The following COBL variants were observed in gnomAD, a reference collection of about 807,000 sequenced individuals.
COBL encodes protein cordon-bleu.
A neutral mutation model predicts 98.8 loss-of-function variants in COBL; 51 were observed. The observed-to-expected ratio is 0.52, with a 90% confidence interval of 0.41 to 0.65. The LOEUF is 0.65. Ranked by LOEUF, COBL falls within the 30% of genes least tolerant of loss-of-function variation. The pLI, the probability that COBL is intolerant of heterozygous loss-of-function variation, is 0.00. For missense variants in COBL, 1,617 were observed against 1,617.5 expected, an observed-to-expected ratio of 1.00 and a Z score of 0.01; for synonymous variants, 634 against 651.7, an observed-to-expected ratio of 0.97 and a Z score of 0.41.
intron 5 of COBL, among the ~76,000 whole-genome samples, chr7:51,148,923 C>G (rs1319831634): frequency 6.6e-6 from 1 of 152,024 alleles, no homozygotes; most frequent in East Asian, 1.9e-4. Flanking sequence ...TATAACTTCA[C>G]CCCACCACAA....
chr7:51,275,094 G>A (rs1326360733), intron 1 of COBL, among the ~76,000 whole-genome samples: 6 of 152,170 alleles, frequency 3.9e-5, no homozygotes, highest in Non-Finnish European at 7.4e-5. Flanking sequence ...TGAAGAGGAC[G>A]GGAGAGGCTC....
chr7:51,231,980 G>A (rs1429817766), intron 1 of COBL, among the ~76,000 whole-genome samples: 1 of 152,190 alleles, frequency 6.6e-6, no homozygotes, highest in Non-Finnish European at 1.5e-5. Context: ...TCGGACCTGA[G>A]TGCAGTAGAG....
chr7:51,294,327 AATAAAAAT>A (rs1438592932), intron 1 of COBL, among the ~76,000 whole-genome samples: 2 of 148,950 alleles, frequency 1.3e-5, no homozygotes, highest in Admixed American at 6.7e-5. Flanking sequence ...TAAATAAATA[AATAAAAAT>A]AAATAAATAA....
intron 5 of COBL, among the ~76,000 whole-genome samples, chr7:51,155,935 C>A (rs1786085698): frequency 6.6e-6 from 1 of 152,076 alleles, no homozygotes; most frequent in Non-Finnish European, 1.5e-5. Context: ...TGCAACCAAG[C>A]AAAACACAGA....
At position 51,273,327 on chromosome 7, in the gene COBL, C is replaced by CAAAAAA. The variant is rs953811880; in HGVS notation, c.41+43260_41+43265dup. On this transcript the variant is annotated intron_variant, in intron 1 of 12. Transcript: ENST00000265136. ...TGGGCAACAGAATAAGACTCCATCT[C>CAAAAAA]AAAAAAAAAAAAAAAAAAAGAAAAA... is the stretch of plus-strand genomic sequence containing the variant. Among the ~76,000 whole-genome samples the CAAAAAA allele has an allele frequency of 9.4e-4, 55 of 58,442 alleles. 1 individual carries two copies. Among genetic ancestry groups the CAAAAAA allele is most frequent in the Non-Finnish European group, 1.7e-3 (42 of 24,704 alleles). 38.3% of individuals were successfully genotyped at this position (58,442 alleles called of 152,430 possible).
Position 51,026,566 on chromosome 7 carries a change from C to A in COBL, c.3484G>T (p.Gly1162Cys). 2 of 1,614,096 alleles carry A rather than the reference C, an allele frequency of 1.2e-6. No homozygotes were observed. Among genetic ancestry groups the A allele is most frequent in the Non-Finnish European group, 1.7e-6 (2 of 1,180,028 alleles). ...CTTACCTTCCTCAGGCTGCAGGTGC[C>A]GCTGTGCCCGCGGATAGCTGCCAGC... ...ALLAAIRGHS[G>C]TCSLRKVASS... Residue 1162 changes from glycine (G) to cysteine (C), a missense_variant, in exon 11 of 13, where the codon GGC becomes TGC. Coordinates refer to ENST00000265136, the MANE Select transcript of COBL (RefSeq NM_015198.5).
chr7:51,314,964 T>C lies in COBL; in HGVS notation c.41+1629A>G, dbSNP rs543188078. Among the ~76,000 whole-genome samples the C allele has an allele frequency of 2.8e-3, 430 of 152,324 alleles. 1 individual carries two copies. Among genetic ancestry groups the C allele is most frequent in the Non-Finnish European group, 4.5e-3 (304 of 68,030 alleles). On this transcript the variant is annotated intron_variant, in intron 1 of 12. Coordinates refer to ENST00000265136, the MANE Select transcript of COBL (RefSeq NM_015198.5). ...GGGTAAGTCCTTTCACTTCTATCATTAGACTCCCTTCAAGGATCTTACAGA... is the reference window on the plus strand; with the variant it reads ...GGGTAAGTCCTTTCACTTCTATCATCAGACTCCCTTCAAGGATCTTACAGA...
intron 6 of COBL, among the ~76,000 whole-genome samples, chr7:51,105,582 C>T (rs972157808): frequency 1.3e-5 from 2 of 152,086 alleles, no homozygotes; most frequent in East Asian, 1.9e-4. Context: ...AACCCCATCT[C>T]TACTAAAAAT....
Position 51,136,165 on chromosome 7 carries a change from G to A in COBL, c.950C>T (p.Ser317Leu), listed in dbSNP as rs192731501. The A allele has an allele frequency of 1.9e-5, 30 of 1,611,020 alleles. No individual in the cohort carries two copies. The highest frequency in any genetic ancestry group is 1.3e-4 in the Admixed American group (8 of 59,700). The change falls in exon 6 of 13, where the codon TCG (serine) becomes TTG (leucine). Residue 317 changes from serine (S) to leucine (L), a missense_variant. Transcript: ENST00000265136. The stretch of plus-strand genomic sequence containing the variant: ...AACAGCCCACTGCCCTACCTTTTCC[G>A]ATGCCTTGTCTTGCACAGGTGGCCC... ...GSGPPVQDKA[S>L]EKVSLGSQID...
At chr7:51,268,921 C>A (rs1384113916) in intron 1 of COBL, among the ~76,000 whole-genome samples, 1 of 142,518 alleles carries the variant, frequency 7.0e-6, no homozygotes, top group African/African-American at 2.6e-5. Context: ...CAGAGTGAGA[C>A]CCCGTCTCAA....
intron 5 of COBL, among the ~76,000 whole-genome samples, chr7:51,142,156 G>A (rs1799814204): frequency 6.6e-6 from 1 of 152,096 alleles, no homozygotes; most frequent in African/African-American, 2.4e-5. Flanking sequence ...CATTTCTAGA[G>A]GGTGAGGCGA....
intron 1 of COBL, among the ~76,000 whole-genome samples, chr7:51,310,489 C>T (rs991379330): frequency 6.6e-6 from 1 of 152,196 alleles, no homozygotes; most frequent in Non-Finnish European, 1.5e-5. Flanking sequence ...GTCTGGCCCT[C>T]GGCAGCCTCT....
Position 51,073,127 on chromosome 7 carries a change from T to A in COBL, c.1096+12039A>T, listed in dbSNP as rs537725113. On this transcript the variant is annotated intron_variant, in intron 7 of 12. Coordinates refer to ENST00000265136, the MANE Select transcript of COBL (RefSeq NM_015198.5). ...TTCAGACAGGTGAATATTATCAACCTAAAATTTGCATATAATTTACCTCCT... is the reference window on the plus strand; with the variant it reads ...TTCAGACAGGTGAATATTATCAACCAAAAATTTGCATATAATTTACCTCCT... 1.4e-4 allele frequency: 54 copies of A among 386,718 alleles called. No homozygotes were observed. In the Middle Eastern group the frequency reaches 3.8e-3, roughly 27 times the overall value. 24.0% of individuals were successfully genotyped at this position (386,718 alleles called of 1,614,324 possible).
chr7:51,254,255 CT>C (rs1797004681), intron 1 of COBL, among the ~76,000 whole-genome samples: 1 of 152,034 alleles, frequency 6.6e-6, no homozygotes, highest in African/African-American at 2.4e-5. Flanking sequence ...GTAAAGTGAC[CT>C]TCATAGATGA....
intron 1 of COBL, among the ~76,000 whole-genome samples, chr7:51,243,929 A>C (rs1356199893): frequency 6.6e-6 from 1 of 152,204 alleles, no homozygotes; most frequent in Non-Finnish European, 1.5e-5. Flanking sequence ...ACCACGGGGA[A>C]ACTGGGGAGG....
At chr7:51,112,407 T>A (rs1343228536) in intron 6 of COBL, among the ~76,000 whole-genome samples, 2 of 152,146 alleles carry the variant, frequency 1.3e-5, no homozygotes, top group Non-Finnish European at 2.9e-5. Flanking sequence ...ATATGTAACT[T>A]AAAAACTACT....
chr7:51,216,188 T>C (rs1188314873), intron 2 of COBL, among the ~76,000 whole-genome samples: 5 of 152,178 alleles, frequency 3.3e-5, no homozygotes, highest in Non-Finnish European at 5.9e-5. Flanking sequence ...TTGAAGATCT[T>C]TTCTTTTTTT....
intron 6 of COBL, among the ~76,000 whole-genome samples, chr7:51,114,845 CTTGT>C (rs1797135227): frequency 6.6e-6 from 1 of 152,290 alleles, no homozygotes; most frequent in Middle Eastern, 3.4e-3. Flanking sequence ...GATTTGTTTA[CTTGT>C]TTATTTTCTA....
intron 7 of COBL, among the ~76,000 whole-genome samples, chr7:51,055,384 C>A (rs576442782): frequency 1.3e-5 from 2 of 152,204 alleles, no homozygotes; most frequent in Admixed American, 1.3e-4. Flanking sequence ...TCTCTAAGGA[C>A]TTAGTGAAGA....
Sources: gnomAD v4.1 joint callset for allele counts (sites outside exome capture counted in the v4.1 genomes callset) on GRCh38, gnomAD v4.1.1 for gene constraint, MANE v1.5 for transcripts, NCBI Gene and HGNC (gene_info 2026-07-23, HGNC 2026-07-21) for gene names.